TBX4: variants seen among roughly 807,000 people sequenced by gnomAD.
TBX4 encodes the protein T-box transcription factor TBX4.
Under a neutral mutation model 54.6 loss-of-function variants are expected in TBX4, and 13 were observed. The ratio of observed to expected loss-of-function variants is 0.24; its 90% CI spans 0.15 to 0.38. TBX4 has a LOEUF of 0.38. TBX4 is among the 10% of genes least tolerant of loss of function. The probability of loss-of-function intolerance (pLI) is 1.00; values close to 1 mark genes in which losing one functional copy is unlikely to be tolerated. For missense variants in TBX4, 631 were observed against 728.5 expected (o/e 0.87, Z 1.54); for synonymous variants, 314 against 306.7 (o/e 1.02, Z -0.25).
In TBX4 at chr17:61,476,730, T is replaced by C. The variant is rs556985572; in HGVS notation, c.550-1897T>C. On this transcript the variant is annotated intron_variant, in intron 5 of 8. Transcript: ENST00000644296. This position sits in a 1 kb window ranked among gnomAD's most constrained non-coding sequence, Gnocchi z 6.5. ...GAGTTATGTACTTGCCTCGTGAAGG[T>C]CTGGAGGTTTGTCACTGAGGGCTGA... Among the ~76,000 whole-genome samples, 19 of 152,234 alleles carry C rather than the reference T, an allele frequency of 1.2e-4. No homozygotes were observed. The highest frequency in any genetic ancestry group is 4.1e-4 in the African/African-American group (17 of 41,530).
intron 1 of TBX4, among the ~76,000 whole-genome samples, chr17:61,453,396 G>A (rs775822072): frequency 3.3e-5 from 5 of 151,938 alleles, no homozygotes; most frequent in Non-Finnish European, 4.4e-5. Flanking sequence ...TACTATTAGT[G>A]GTAGTGATAT....
chr17:61,462,237 A>AC lies in TBX4; in HGVS notation c.282-3582_282-3581insC, dbSNP rs1240642951. 1.3e-3 allele frequency among the ~76,000 whole-genome samples: 193 copies of AC among 152,158 alleles called. 1 individual carries two copies. Among genetic ancestry groups the AC allele is most frequent in the African/African-American group, 4.6e-3 (189 of 41,520 alleles). On this transcript the variant is annotated intron_variant, in intron 3 of 8. Transcript: ENST00000644296. The surrounding 1 kb of genome is among the most constrained non-coding windows in gnomAD (Gnocchi z 4.5). ...AAAGGCTCCAGCTCCGCACCCTTTCAGAGCCTGTTTCATGATCAGAGGAGA... is the reference window on the plus strand; with the variant it reads ...AAAGGCTCCAGCTCCGCACCCTTTCACGAGCCTGTTTCATGATCAGAGGAGA...
At position 61,457,494 on chromosome 17, in the gene TBX4, C is replaced by T. The variant is rs1226003430; in HGVS notation, c.187-43C>T. ...TCTTTCCTCAGGCTCCGCGTGGAGC[C>T]CTGGGCCTGGCAGACACAAGTTTCT... On this transcript the variant is annotated intron_variant, in intron 2 of 8. Coordinates refer to ENST00000644296, the MANE Select transcript of TBX4 (RefSeq NM_001321120.2). The surrounding 1 kb of genome is among the most constrained non-coding windows in gnomAD (Gnocchi z 8.2). 6.3e-7 allele frequency: 1 copy of T among 1,585,034 alleles called. No homozygotes were observed. Among genetic ancestry groups the T allele is most frequent in the South Asian group, 1.1e-5 (1 of 90,516 alleles).
Position 61,456,680 on chromosome 17 carries a change from G to A in TBX4, c.186+4G>A. ...CGCCGCCGCCGCCGCGGAGCAGGTA[G>A]GGCTGCGCCAGCCGTCGGGTAGAAG... On this transcript the variant is annotated splice_donor_region_variant and intron_variant, in intron 2 of 8. Coordinates refer to ENST00000644296, the MANE Select transcript of TBX4 (RefSeq NM_001321120.2). 1 of 1,382,654 alleles carries A rather than the reference G, an allele frequency of 7.2e-7. No homozygotes were observed. The highest frequency in any genetic ancestry group is 9.4e-7 in the Non-Finnish European group (1 of 1,064,862). 85.6% of individuals were successfully genotyped at this position (1,382,654 alleles called of 1,614,324 possible).
At position 61,483,332 on chromosome 17, in the gene TBX4, G is replaced by A. The variant is rs772572337; in HGVS notation, c.1457G>A (p.Arg486Gln). 19 of 1,610,026 alleles carry A rather than the reference G, an allele frequency of 1.2e-5. No individual in the cohort carries two copies. The highest frequency in any genetic ancestry group is 6.7e-5 in the African/African-American group (5 of 74,836). Reference protein sequence around the residue: ...NQLSQSQVRERGPSASFPRER... With the variant: ...NQLSQSQVREQGPSASFPRER... ...CTCTCCCAGTCTCAGGTCCGAGAGC[G>A]GGGGCCCAGCGCCTCATTCCCAAGA... is the stretch of plus-strand genomic sequence containing the variant. Residue 486 changes from arginine to glutamine, a missense_variant, in exon 9 of 9, where the codon CGG (arginine) becomes CAG (glutamine). Transcript: ENST00000644296. The surrounding 1 kb of genome is among the most constrained non-coding windows in gnomAD (Gnocchi z 6.6).
In TBX4 at chr17:61,457,612, A is replaced by G; in HGVS notation, c.262A>G (p.Ile88Val). The G allele has an allele frequency of 6.2e-7, 1 of 1,613,744 alleles. No homozygotes were observed. The highest frequency in any genetic ancestry group is 8.5e-7 in the Non-Finnish European group (1 of 1,179,946). ...KKFHEAGTEM[I>V]ITKAGRRMFP... Reference sequence around the variant, plus strand: ...GTTCCACGAGGCGGGCACCGAGATGATCATCACTAAGGCTGGCAGGTCAGC... The same window carrying G: ...GTTCCACGAGGCGGGCACCGAGATGGTCATCACTAAGGCTGGCAGGTCAGC... Residue 88 changes from isoleucine to valine, a missense_variant, in exon 3 of 9, where the codon ATC becomes GTC. Around this residue, in one of 3 missense-constraint regions of TBX4, gnomAD observed 154 missense variants for 238.6 expected, o/e 0.65. Coordinates refer to ENST00000644296, the MANE Select transcript of TBX4 (RefSeq NM_001321120.2). This position sits in a 1 kb window ranked among gnomAD's most constrained non-coding sequence, Gnocchi z 8.2.
intron 4 of TBX4, among the ~76,000 whole-genome samples, chr17:61,467,069 G>T (rs1215722610): frequency 6.6e-6 from 1 of 152,116 alleles, no homozygotes; most frequent in Non-Finnish European, 1.5e-5. Flanking sequence ...TGAGGCAGAA[G>T]GATTGCTTGA....
At position 61,479,861 on chromosome 17, in the gene TBX4, T is replaced by C. The variant is rs1307001275; in HGVS notation, c.703-20T>C. On this transcript the variant is annotated intron_variant, in intron 6 of 8. Transcript: ENST00000644296. The surrounding 1 kb of genome is among the most constrained non-coding windows in gnomAD (Gnocchi z 6.1). ...TTTGTGTGCCTCACACTGGTGACCCTATGTGTTTTCTCCCCACAGATCACC... is the reference window on the plus strand; with the variant it reads ...TTTGTGTGCCTCACACTGGTGACCCCATGTGTTTTCTCCCCACAGATCACC... 1.2e-6 allele frequency: 2 copies of C among 1,611,542 alleles called. No individual in the cohort carries two copies. Among genetic ancestry groups the C allele is most frequent in the Admixed American group, 3.3e-5 (2 of 60,006 alleles).
In TBX4 at chr17:61,478,558, G is replaced by A. The variant is rs1483923536; in HGVS notation, c.550-69G>A. On this transcript the variant is annotated intron_variant, in intron 5 of 8. Coordinates refer to ENST00000644296, the MANE Select transcript of TBX4 (RefSeq NM_001321120.2). This position sits in a 1 kb window ranked among gnomAD's most constrained non-coding sequence, Gnocchi z 7.4. ...GAGAAAAACCAGGCCAGGGCCAGAA[G>A]AATGAGGTCAAGGGCCTGGGGCTTG... 3 of 1,605,728 alleles carry A rather than the reference G, an allele frequency of 1.9e-6. No homozygotes were observed. Among genetic ancestry groups the A allele is most frequent in the African/African-American group, 1.3e-5 (1 of 74,762 alleles).
chr17:61,467,730 G>A, intron 5 of TBX4, 73 bp downstream of exon 5: 1 of 1,586,272 alleles, frequency 6.3e-7, no homozygotes, highest in Non-Finnish European at 8.6e-7. Context: ...GCCAGGATGG[G>A]GATAGGGAGA....
In TBX4 at chr17:61,467,575, C is replaced by T. The variant is rs765562149; in HGVS notation, c.467C>T (p.Ala156Val). The change falls in exon 5 of 9, where the codon GCC (alanine) becomes GTC (valine). Residue 156 changes from alanine (A) to valine (V), a missense_variant. Transcript: ENST00000644296. Reference sequence around the variant, plus strand: ...CTGTATGTCCACCCGGATTCTCCTGCCACAGGAGCCCACTGGATGCGGCAG... The same window carrying T: ...CTGTATGTCCACCCGGATTCTCCTGTCACAGGAGCCCACTGGATGCGGCAG... ...GRLYVHPDSP[A>V]TGAHWMRQLV... 6.2e-7 allele frequency: 1 copy of T among 1,614,220 alleles called. No individual in the cohort carries two copies. The highest frequency in any genetic ancestry group is 8.5e-7 in the Non-Finnish European group (1 of 1,180,024).
At chr17:61,466,310 A>G (rs919697006) in intron 4 of TBX4, among the ~76,000 whole-genome samples, 3 of 152,004 alleles carry the variant, frequency 2.0e-5, no homozygotes, top group East Asian at 3.9e-4. Context: ...GGAAGATGGG[A>G]GCAGTTCTCT....
At position 61,480,382 on chromosome 17, in the gene TBX4, CCA is replaced by C; in HGVS notation, c.1021+65_1021+66del. 7.2e-7 allele frequency: 1 copy of C among 1,381,736 alleles called. No homozygotes were observed. Among genetic ancestry groups the C allele is most frequent in the Non-Finnish European group, 9.9e-7 (1 of 1,006,624 alleles). The allele number at this position is 1,381,736 out of a possible 1,614,324, so 85.6% of individuals were successfully genotyped here. ...AGGAGCGGTGAGGTTCTCCCCGAAA[CCA>C]CTCTGCAGCGCCCCCCCCCCCAACA... On this transcript the variant is annotated intron_variant, in intron 8 of 8. Coordinates refer to ENST00000644296, the MANE Select transcript of TBX4 (RefSeq NM_001321120.2). This position sits in a 1 kb window ranked among gnomAD's most constrained non-coding sequence, Gnocchi z 6.2.
rs1196514285 is a variant in TBX4, at chr17:61,465,562, G to C, written c.282-257G>C. Among the ~76,000 whole-genome samples the C allele has an allele frequency of 2.0e-5, 3 of 152,212 alleles. No homozygotes were observed. The highest frequency in any genetic ancestry group is 2.9e-5 in the Non-Finnish European group (2 of 68,028). On this transcript the variant is annotated intron_variant, in intron 3 of 8. Transcript: ENST00000644296. This position sits in a 1 kb window ranked among gnomAD's most constrained non-coding sequence, Gnocchi z 4.9. ...TGGGGGAGGGGATAAGTGAATTTGGGAAATGGTGTAAACTCTCCTCCTAGA... is the reference window on the plus strand; with the variant it reads ...TGGGGGAGGGGATAAGTGAATTTGGCAAATGGTGTAAACTCTCCTCCTAGA...
intron 3 of TBX4, among the ~76,000 whole-genome samples, chr17:61,458,821 T>C (rs1475104168): frequency 1.3e-5 from 2 of 152,260 alleles, no homozygotes; most frequent in Non-Finnish European, 2.9e-5. Flanking sequence ...TATTTTCTTC[T>C]ACTTTTTAGA....
chr17:61,483,205 C>T lies in TBX4; in HGVS notation c.1330C>T (p.Pro444Ser), dbSNP rs149248181. 1.5e-5 allele frequency: 25 copies of T among 1,614,130 alleles called. No homozygotes were observed. In the Middle Eastern group the frequency reaches 4.9e-4, roughly 32 times the overall value. ...GGAGACTGTGCCGTACCAGCCCTTC[C>T]CCACGCACTTCACCGCCACCACCAT... Reference protein sequence around the residue: ...TMETVPYQPFPTHFTATTMMP... With the variant: ...TMETVPYQPFSTHFTATTMMP... The change falls in exon 9 of 9, where the codon CCC becomes TCC. Residue 444 changes from proline (P) to serine (S), a missense_variant. Physicochemically the swap from Pro to Ser is moderately conservative, Grantham distance 74. Transcript: ENST00000644296. This position sits in a 1 kb window ranked among gnomAD's most constrained non-coding sequence, Gnocchi z 6.6.
chr17:61,482,362 A>G (rs2060669232), intron 8 of TBX4, among the ~76,000 whole-genome samples: 1 of 152,258 alleles, frequency 6.6e-6, no homozygotes, highest in Non-Finnish European at 1.5e-5. Context: ...TTCTTTAAAC[A>G]CATGTGAGGT....
intron 5 of TBX4, among the ~76,000 whole-genome samples, chr17:61,470,714 G>A (rs73991924): frequency 0.025 from 3,763 of 152,314 alleles, 177 homozygotes; most frequent in African/African-American, 0.085. Flanking sequence ...CTGCCTCCAG[G>A]TGGCCTGAAT....
At chr17:61,455,351 A>C (rs1225084649) in intron 1 of TBX4, among the ~76,000 whole-genome samples, 1 of 152,198 alleles carries the variant, frequency 6.6e-6, no homozygotes, top group Non-Finnish European at 1.5e-5. Flanking sequence ...CGCCTCAAGA[A>C]GGGCCGTCAG....
Sources: gnomAD v4.1 joint callset for allele counts (sites outside exome capture counted in the v4.1 genomes callset) on GRCh38, gnomAD v4.1.1 for gene constraint, gnomAD v4.1.1 regional missense constraint, Gnocchi (gnomAD v3.1) non-coding constraint, MANE v1.5 for transcripts, NCBI Gene and HGNC (gene_info 2026-07-23, HGNC 2026-07-21) for gene names.